Variants in SRSF11 observed in about 807,000 individuals in gnomAD.
SRSF11 encodes serine/arginine-rich splicing factor 11.
SRSF11 carries 9 observed loss-of-function variants against 56.0 expected under a neutral mutation model. That is an observed-to-expected ratio of 0.16 (90% CI 0.10 to 0.28). The LOEUF (loss-of-function observed/expected upper bound fraction) is 0.28. Among genes scored for constraint, SRSF11 ranks in the 10% least tolerant of loss-of-function variants. SRSF11 has a pLI of 1.00. For missense variants in SRSF11, 421 were observed against 600.7 expected (o/e 0.70, Z 3.13); for synonymous variants, 222 against 215.3 (o/e 1.03, Z -0.27).
At chr1:70,215,272 A>G (rs193175236) in intron 1 of SRSF11, among the ~76,000 whole-genome samples, 31 of 152,172 alleles carry the variant, frequency 2.0e-4, no homozygotes, top group South Asian at 6.2e-4. Context: ...CTGTATAGCT[A>G]AAGGGGAAAA....
chr1:70,250,302 T>C (rs1677708429), intron 10 of SRSF11, 63 bp from the exon 11 acceptor site: 7 of 1,585,412 alleles, frequency 4.4e-6, no homozygotes, highest in Admixed American at 3.7e-5. Flanking sequence ...TCCTGTGAAA[T>C]TGAGTCAGGC....
rs559658449 is a variant in SRSF11 at position 70,224,783 on chromosome 1, T to C, written c.203+2944T>C. ...CTCTACAGCATGATGGCTTTGCAGG[T>C]ATTTGAAAGTTGAACCCCACATATA... On this transcript the variant is annotated intron_variant, in intron 1 of 11. Transcript: ENST00000370949. Among the ~76,000 whole-genome samples, 4 of 152,370 alleles carry C rather than the reference T, an allele frequency of 2.6e-5. No individual in the cohort carries two copies. The East Asian group carries it at 7.7e-4, about 29-fold the overall frequency.
At chr1:70,236,876 C>T (rs1232416723) in intron 5 of SRSF11, among the ~76,000 whole-genome samples, 1 of 144,538 alleles carries the variant, frequency 6.9e-6, no homozygotes, top group Non-Finnish European at 1.5e-5. Context: ...CGATGTCTGC[C>T]TCCCGGGTTC....
intron 9 of SRSF11, chr1:70,248,431 T>C (rs906803654): frequency 2.0e-5 from 3 of 152,120 alleles, no homozygotes; most frequent in African/African-American, 7.2e-5. Context: ...TCTATAAAGA[T>C]ACCAAGTAGA....
chr1:70,228,905 G>A, intron 2 of SRSF11: 1 of 984,336 alleles, frequency 1.0e-6, no homozygotes. Flanking sequence ...TATGCTTACA[G>A]AGCCTTCAAA....
chr1:70,239,720 C>G (rs968132191), intron 7 of SRSF11, among the ~76,000 whole-genome samples, 200 bp downstream of exon 7: 1 of 151,960 alleles, frequency 6.6e-6, no homozygotes, highest in Non-Finnish European at 1.5e-5. Context: ...GCTTTAAAAC[C>G]CCCAAAAATT....
intron 1 of SRSF11, among the ~76,000 whole-genome samples, chr1:70,226,019 C>T (rs1671699931): frequency 6.6e-6 from 1 of 151,844 alleles, no homozygotes; most frequent in African/African-American, 2.4e-5. Flanking sequence ...GGTGAAACCC[C>T]ATCTCTGCTA....
At chr1:70,243,940 GTTAA>G (rs1202460457) in intron 7 of SRSF11, among the ~76,000 whole-genome samples, 6 of 152,104 alleles carry the variant, frequency 3.9e-5, no homozygotes, top group African/African-American at 1.2e-4. Flanking sequence ...ACATCTAAAG[GTTAA>G]TTGTGCTTCT....
intron 1 of SRSF11, among the ~76,000 whole-genome samples, chr1:70,211,263 G>C (rs778874930): frequency 6.6e-6 from 1 of 151,854 alleles, no homozygotes; most frequent in Admixed American, 6.6e-5. Flanking sequence ...ACACTACTGA[G>C]TAAGTCTGTT....
Position 70,221,627 on chromosome 1 carries a change from G to T in SRSF11, c.-10G>T, listed in dbSNP as rs566555479. 19 of 1,606,318 alleles carry T rather than the reference G, an allele frequency of 1.2e-5. No individual in the cohort carries two copies. In the Admixed American group the frequency reaches 3.3e-4, roughly 28 times the overall value. ...TGTGTTAAAGCAGGAGCGAGAACCC[G>T]AGCAGCGCCATGAGCAACACTACCG... On this transcript the variant is annotated 5_prime_UTR_variant, in exon 1 of 12. Coordinates refer to ENST00000370949, the MANE Select transcript of SRSF11 (RefSeq NM_001350605.2).
intron 9 of SRSF11, among the ~76,000 whole-genome samples, chr1:70,247,822 AAT>A (rs1259897241): frequency 1.3e-5 from 2 of 152,188 alleles, no homozygotes. Context: ...AGAACTCAGC[AAT>A]AGACAGGCAA....
upstream of SRSF11, among the ~76,000 whole-genome samples, chr1:70,217,608 T>C (rs549999340): frequency 6.6e-6 from 1 of 152,330 alleles, no homozygotes; most frequent in East Asian, 1.9e-4. Context: ...TTTGTGAGTT[T>C]TTTGACTGCC....
chr1:70,243,630 GAAAAGAAAA>G (rs1436819931), intron 7 of SRSF11, among the ~76,000 whole-genome samples: 2 of 152,166 alleles, frequency 1.3e-5, no homozygotes, highest in African/African-American at 4.8e-5. Context: ...CTTGTACCTT[GAAAAGAAAA>G]GTAGGCAGAA....
chr1:70,221,473 G>GC lies in SRSF11; in HGVS notation c.-164_-163insC. Reference sequence around the variant, plus strand: ...ATCCCCTCCCCCGCGGCGTGCGGCGGGGCGGAGAAACGGCGGCGGCGGCGG... The same window carrying GC: ...ATCCCCTCCCCCGCGGCGTGCGGCGGCGGCGGAGAAACGGCGGCGGCGGCGG... On this transcript the variant is annotated 5_prime_UTR_variant, in exon 1 of 12. Transcript: ENST00000370949. 9.6e-7 allele frequency: 1 copy of GC among 1,039,750 alleles called. No homozygotes were observed. Among genetic ancestry groups the GC allele is most frequent in the Non-Finnish European group, 1.4e-6 (1 of 718,860 alleles). 64.4% of individuals were successfully genotyped at this position (1,039,750 alleles called of 1,614,324 possible).
chr1:70,232,105 A>ATT, intron 2 of SRSF11, 163 bp from the exon 3 acceptor site: 1 of 1,547,640 alleles, frequency 6.5e-7, no homozygotes, highest in Non-Finnish European at 8.7e-7. Context: ...TTCTGACATA[A>ATT]AATTAATGAT....
chr1:70,242,767 A>C (rs1464941132), intron 7 of SRSF11, among the ~76,000 whole-genome samples: 1 of 152,208 alleles, frequency 6.6e-6, no homozygotes, highest in Non-Finnish European at 1.5e-5. Context: ...CTTTGAAAAC[A>C]ACTGTTTAAT....
At chr1:70,230,970 C>A in intron 2 of SRSF11, 1 of 1,226,166 alleles carries the variant, frequency 8.2e-7, no homozygotes, top group Non-Finnish European at 1.0e-6. Flanking sequence ...AGCTCTGACA[C>A]AAGCAAGATA....
At chr1:70,238,240 A>G (rs1414220812) in intron 6 of SRSF11, among the ~76,000 whole-genome samples, 1 of 152,208 alleles carries the variant, frequency 6.6e-6, no homozygotes, top group Non-Finnish European at 1.5e-5. Flanking sequence ...CCACAGTTAC[A>G]TGGCAAGCAG....
chr1:70,215,297 TAC>T (rs1205028984), intron 1 of SRSF11, among the ~76,000 whole-genome samples: 1 of 152,196 alleles, frequency 6.6e-6, no homozygotes, highest in Non-Finnish European at 1.5e-5. Flanking sequence ...TATAGCCAAA[TAC>T]TTTGAGAGTT....
Sources: allele counts gnomAD v4.1 joint callset (sites outside exome capture counted in the v4.1 genomes callset), GRCh38; gene constraint gnomAD v4.1.1; transcripts MANE v1.5; gene names NCBI Gene and HGNC (gene_info 2026-07-23, HGNC 2026-07-21).